The following NPIPB2 variants were observed in gnomAD, a reference collection of about 807,000 sequenced individuals.
NPIPB2 encodes the protein nuclear pore complex interacting protein family member B2, also known as nuclear pore complex-interacting protein family member B2.
In NPIPB2, 27 loss-of-function variants were observed where a neutral mutation model predicts 30.8. That is an observed-to-expected ratio of 0.88 (90% CI 0.65 to 1.21). The LOEUF is 1.21. Ranked by LOEUF, NPIPB2 falls within the 50% of genes most tolerant of loss-of-function variation. The pLI, the probability that NPIPB2 is intolerant of heterozygous loss-of-function variation, is 0.00. For synonymous variants in NPIPB2, 147 were observed against 162.0 expected (o/e 0.91, Z 0.70); for missense variants, 440 against 446.2 (o/e 0.99, Z 0.13).
intron 2 of NPIPB2, 99 bp downstream of exon 2, chr16:11,937,441 C>A (rs2054883011): frequency 1.4e-6 from 1 of 718,736 alleles, no homozygotes; most frequent in Admixed American, 3.1e-5. Context: ...TGGGTAAAAC[C>A]ACATATTCAT....
At chr16:11,951,667 C>CACA (rs2055066528) in intron 1 of NPIPB2, among the ~76,000 whole-genome samples, 1 of 82,278 alleles carries the variant, frequency 1.2e-5, no homozygotes, top group African/African-American at 3.2e-5. Flanking sequence ...CACACACACA[C>CACA]CCAGCCCCCA....
intron 1 of NPIPB2, among the ~76,000 whole-genome samples, chr16:11,949,884 G>A (rs1596499899): frequency 6.6e-6 from 1 of 152,160 alleles, no homozygotes; most frequent in Non-Finnish European, 1.5e-5. Context: ...GATTCTGGTT[G>A]TCTAAGATCT....
upstream of NPIPB2, among the ~76,000 whole-genome samples, chr16:11,945,003 AC>A (rs1267586088): frequency 1.3e-5 from 2 of 150,384 alleles, no homozygotes; most frequent in Non-Finnish European, 3.0e-5. Context: ...ACATGGAGAA[AC>A]CCCATCTCTA....
At chr16:11,947,324 A>ATT (rs1277451001) in intron 1 of NPIPB2, among the ~76,000 whole-genome samples, 1,273 of 125,734 alleles carry the variant, frequency 0.01, 15 homozygotes, top group African/African-American at 0.027. Context: ...TTATTTATTT[A>ATT]TATATATATA....
At chr16:11,959,723 A>T (rs536804857) in intron 1 of NPIPB2, among the ~76,000 whole-genome samples, 8 of 152,138 alleles carry the variant, frequency 5.3e-5, no homozygotes, top group Admixed American at 1.3e-4. Flanking sequence ...CTAGCTTTGC[A>T]AAAAAAGTCT....
chr16:11,952,449 G>A (rs2055076100), intron 1 of NPIPB2, among the ~76,000 whole-genome samples: 1 of 152,044 alleles, frequency 6.6e-6, no homozygotes, highest in Non-Finnish European at 1.5e-5. Context: ...GAAAGAATCT[G>A]TTGTCATGTA....
At chr16:11,957,093 A>G (rs950557167) in intron 1 of NPIPB2, among the ~76,000 whole-genome samples, 1 of 151,074 alleles carries the variant, frequency 6.6e-6, no homozygotes, top group Non-Finnish European at 1.5e-5. Context: ...TTGGGGTTCA[A>G]GCGATTCTCC....
intron 1 of NPIPB2, among the ~76,000 whole-genome samples, chr16:11,959,020 G>A (rs970542765): frequency 6.6e-6 from 1 of 152,222 alleles, no homozygotes; most frequent in Admixed American, 6.6e-5. Context: ...GTTTGCCCCT[G>A]TATGGCTCTT....
chr16:11,962,216 A>AAG, intron 1 of NPIPB2, among the ~76,000 whole-genome samples: 1 of 149,860 alleles, frequency 6.7e-6, no homozygotes, highest in Admixed American at 6.7e-5. Context: ...AAAAAAAAAA[A>AAG]AAGGCTGGGT....
intron 1 of NPIPB2, among the ~76,000 whole-genome samples, chr16:11,947,448 C>T (rs968258325): frequency 6.6e-6 from 1 of 150,854 alleles, no homozygotes; most frequent in African/African-American, 2.4e-5. Context: ...AGGTTCACGC[C>T]ATTCTCCTGC....
At chr16:11,967,817 G>A (rs2071336) in intron 1 of NPIPB2, 66,725 of 1,613,968 alleles carry the variant, frequency 0.041, 2,728 homozygotes, top group Admixed American at 0.2. Context: ...TGAGTGCTAC[G>A]GAGATAGAGA....
At chr16:11,956,963 C>T (rs2150932723) in intron 1 of NPIPB2, among the ~76,000 whole-genome samples, 1 of 152,154 alleles carries the variant, frequency 6.6e-6, no homozygotes, top group East Asian at 1.9e-4. Flanking sequence ...GCCAAGATGG[C>T]TATTATTTTT....
At chr16:11,974,828 T>G (rs779500333) in intron 1 of NPIPB2, among the ~76,000 whole-genome samples, 1 of 151,918 alleles carries the variant, frequency 6.6e-6, no homozygotes, top group South Asian at 2.1e-4. Flanking sequence ...AATCCCAGCA[T>G]TTTGGGAGGC....
intron 2 of NPIPB2, among the ~76,000 whole-genome samples, chr16:11,934,553 CAAAAA>C (rs1184843851): frequency 5.5e-4 from 40 of 73,014 alleles, no homozygotes; most frequent in Middle Eastern, 0.017. Context: ...AACTCTGTCT[CAAAAA>C]AAAAAAAAAA....
At chr16:11,947,430 C>T (rs1295043548) in intron 1 of NPIPB2, among the ~76,000 whole-genome samples, 1 of 150,566 alleles carries the variant, frequency 6.6e-6, no homozygotes, top group Non-Finnish European at 1.5e-5. Context: ...CTGCAAGCTC[C>T]ACCTCCCAGG....
At chr16:11,948,874 A>C (rs141616673) in intron 1 of NPIPB2, among the ~76,000 whole-genome samples, 1,628 of 151,782 alleles carry the variant, frequency 0.011, 9 homozygotes, top group Non-Finnish European at 0.017. Flanking sequence ...GTGGTGGCTC[A>C]TGTCGGTAAT....
intron 1 of NPIPB2, among the ~76,000 whole-genome samples, chr16:11,956,770 C>T (rs1361222808): frequency 6.6e-6 from 1 of 152,214 alleles, no homozygotes; most frequent in African/African-American, 2.4e-5. Context: ...TGGAACCAGG[C>T]TTCTTGAGGT....
intron 1 of NPIPB2, among the ~76,000 whole-genome samples, chr16:11,948,336 G>A (rs2055031680): frequency 6.6e-6 from 1 of 152,040 alleles, no homozygotes; most frequent in Non-Finnish European, 1.5e-5. Context: ...AGAGACAATT[G>A]GTCATTGTGC....
At chr16:11,937,647 G>A in exon 2 of NPIPB2, 2 of 1,599,020 alleles carry the variant, frequency 1.3e-6, no homozygotes, top group Non-Finnish European at 8.5e-7. Context: ...CGATGATGAT[G>A]GTCAGCCAGA....
Sources: gnomAD v4.1 joint callset for allele counts (sites outside exome capture counted in the v4.1 genomes callset) on GRCh38, gnomAD v4.1.1 for gene constraint, MANE v1.5 for transcripts, NCBI Gene and HGNC (gene_info 2026-07-23, HGNC 2026-07-21) for gene names.